The following STK3 variants were observed in gnomAD, a reference collection of about 807,000 sequenced individuals.
STK3 encodes the protein serine/threonine kinase 3.
STK3 carries 41 observed loss-of-function variants against 58.0 expected under a neutral mutation model. The observed-to-expected ratio is 0.71, with a 90% CI of 0.55 to 0.92. The LOEUF is 0.92. STK3 is among the 40% of genes least tolerant of loss of function. The probability of loss-of-function intolerance (pLI) is 0.00; values close to 1 mark genes in which losing one functional copy is unlikely to be tolerated. For missense variants in STK3, 479 were observed against 602.7 expected (o/e 0.79, Z 2.15); for synonymous variants, 170 against 191.0 (o/e 0.89, Z 0.91).
intron 6 of STK3, among the ~76,000 whole-genome samples, chr8:98,636,429 C>T (rs1408488706): frequency 1.3e-5 from 2 of 152,046 alleles, no homozygotes; most frequent in African/African-American, 2.4e-5. Flanking sequence ...CTATCATATG[C>T]CAGGCATTGT....
intron 3 of STK3, chr8:98,413,577 T>A (rs893177230): frequency 3.0e-6 from 2 of 670,716 alleles, no homozygotes; most frequent in Non-Finnish European, 5.7e-6. Flanking sequence ...CAACTTTGTG[T>A]CTAAAATGTT....
intron 10 of STK3, among the ~76,000 whole-genome samples, chr8:98,510,153 C>T (rs1009333549): frequency 6.6e-6 from 1 of 152,080 alleles, no homozygotes; most frequent in African/African-American, 2.4e-5. Context: ...ATACATTATT[C>T]TAATACGTAA....
intron 6 of STK3, chr8:98,598,096 G>C: frequency 1.0e-6 from 1 of 985,312 alleles, no homozygotes; most frequent in Non-Finnish European, 1.2e-6. Flanking sequence ...TATATAGACT[G>C]ACCTCAAACT....
At chr8:98,633,499 G>A (rs747396172) in intron 6 of STK3, 98 of 640,824 alleles carry the variant, frequency 1.5e-4, no homozygotes, top group Non-Finnish European at 2.0e-4. Context: ...TGGCGGTGGC[G>A]TTGGCTTTGC....
intron 4 of STK3, among the ~76,000 whole-genome samples, chr8:98,712,916 G>T (rs994948188): frequency 3.3e-5 from 5 of 152,166 alleles, no homozygotes; most frequent in African/African-American, 1.2e-4. Context: ...TAAAAGAACA[G>T]AAATTATAAC....
upstream of STK3, among the ~76,000 whole-genome samples, chr8:98,830,642 C>T (rs550618597): frequency 1.3e-5 from 2 of 152,254 alleles, no homozygotes; most frequent in South Asian, 4.2e-4. Flanking sequence ...ATTTGAGATA[C>T]AGGTAAGGGT....
At chr8:98,361,336 C>A in the STK3 span, among the ~76,000 whole-genome samples, 1 of 152,106 alleles carries the variant, frequency 6.6e-6, no homozygotes, top group Non-Finnish European at 1.5e-5. Flanking sequence ...AAGGCATGAC[C>A]CCCATATATA....
chr8:98,605,863 T>C (rs959499945), intron 6 of STK3, among the ~76,000 whole-genome samples: 7 of 152,168 alleles, frequency 4.6e-5, no homozygotes, highest in African/African-American at 1.7e-4. Context: ...TAGTGAGTTA[T>C]CATAAGATGT....
chr8:98,398,847 C>T (rs181449538), downstream of STK3, among the ~76,000 whole-genome samples: 80 of 152,312 alleles, frequency 5.3e-4, no homozygotes, highest in Admixed American at 1.9e-3. Context: ...CTGGCCAAAA[C>T]GCCTTTCTCT....
chr8:98,653,530 T>C (rs972634394), intron 6 of STK3, among the ~76,000 whole-genome samples: 4 of 151,964 alleles, frequency 2.6e-5, no homozygotes, highest in South Asian at 2.1e-4. Context: ...TTCAAAAAAT[T>C]AATGAATTCA....
chr8:98,843,388 A>G (rs1051414057), intron 3 of STK3, among the ~76,000 whole-genome samples: 1 of 152,226 alleles, frequency 6.6e-6, no homozygotes, highest in Non-Finnish European at 1.5e-5. Flanking sequence ...CTCAGTACTG[A>G]CATGAAAGAC....
intron 1 of STK3, chr8:98,438,063 T>C (rs548419144): frequency 7.9e-5 from 12 of 152,394 alleles, no homozygotes; most frequent in Admixed American, 6.5e-4. Flanking sequence ...GAGCCAGCGA[T>C]TGGAGGCTCA....
intron 3 of STK3, among the ~76,000 whole-genome samples, chr8:98,871,154 A>G (rs1307970806): frequency 2.0e-5 from 3 of 152,138 alleles, no homozygotes; most frequent in Non-Finnish European, 4.4e-5. Flanking sequence ...AGATGGTTGT[A>G]GATGTGTGGT....
chr8:98,383,747 A>G (rs1817762601), intron 1 of STK3, among the ~76,000 whole-genome samples: 1 of 152,238 alleles, frequency 6.6e-6, no homozygotes, highest in Non-Finnish European at 1.5e-5. Context: ...TTAGGTGTGT[A>G]GTGAATGTTT....
rs183704202 is a variant in STK3 at position 98,458,485 on chromosome 8, T to C, written c.1318-2485A>G. 1.7e-3 allele frequency among the ~76,000 whole-genome samples: 259 copies of C among 152,324 alleles called. 1 individual carries two copies. Among genetic ancestry groups the C allele is most frequent in the African/African-American group, 6.1e-3 (252 of 41,572 alleles). On this transcript the variant is annotated intron_variant, in intron 10 of 10. Coordinates refer to ENST00000419617, the MANE Select transcript of STK3 (RefSeq NM_006281.4). ...ATTGTAAAAGGGGTTGAGTTCTTGA[T>C]TTGATTCTCAGCTTGGTCACTGTTG...
downstream of STK3, among the ~76,000 whole-genome samples, chr8:98,399,136 A>G (rs552122352): frequency 5.3e-5 from 8 of 152,336 alleles, no homozygotes; most frequent in African/African-American, 1.9e-4. Context: ...AGTTCAGCAG[A>G]CTGGACTAGA....
At chr8:98,858,351 G>GAGAGAGAGAC (rs1329528667) in intron 3 of STK3, among the ~76,000 whole-genome samples, 1 of 137,372 alleles carries the variant, frequency 7.3e-6, no homozygotes, top group Non-Finnish European at 1.6e-5. Flanking sequence ...GAGAGAGAGA[G>GAGAGAGAGAC]AGAGAGAGAC....
chr8:98,672,918 T>C (rs1473891761), intron 6 of STK3, among the ~76,000 whole-genome samples: 1 of 152,194 alleles, frequency 6.6e-6, no homozygotes, highest in Non-Finnish European at 1.5e-5. Flanking sequence ...AGAAGCCATA[T>C]AATTATTGTG....
intron 3 of STK3, among the ~76,000 whole-genome samples, chr8:98,421,268 A>G (rs1356155910): frequency 6.6e-6 from 1 of 152,190 alleles, no homozygotes; most frequent in Non-Finnish European, 1.5e-5. Flanking sequence ...GCCTGAGGCC[A>G]AGGGAGAGGG....
Sources: gnomAD v4.1 joint callset for allele counts (sites outside exome capture counted in the v4.1 genomes callset) on GRCh38, gnomAD v4.1.1 for gene constraint, MANE v1.5 for transcripts, NCBI Gene and HGNC (gene_info 2026-07-23, HGNC 2026-07-21) for gene names.